Variants in CCSER1 observed in about 807,000 individuals in gnomAD.
The protein encoded by CCSER1 is coiled-coil serine rich protein 1, also known as serine-rich coiled-coil domain-containing protein 1.
CCSER1 carries 41 observed loss-of-function variants against 82.0 expected under a neutral mutation model. The ratio of observed to expected loss-of-function variants is 0.50; its 90% CI spans 0.39 to 0.65. The LOEUF is 0.65. Among genes scored for constraint, CCSER1 ranks in the 30% least tolerant of loss-of-function variants. CCSER1 has a pLI of 0.00. For missense variants in CCSER1, 1,119 were observed against 1,064.2 expected (o/e 1.05, Z -0.72); for synonymous variants, 414 against 383.9 (o/e 1.08, Z -0.92).
At chr4:90,144,298 A>G (rs1725403193) in intron 1 of CCSER1, among the ~76,000 whole-genome samples, 1 of 152,074 alleles carries the variant, frequency 6.6e-6, no homozygotes, top group African/African-American at 2.4e-5. Context: ...GCTGCTATTC[A>G]TTGGATTAAT....
intron 10 of CCSER1, among the ~76,000 whole-genome samples, chr4:91,382,493 G>C (rs1750981271): frequency 6.6e-6 from 1 of 152,208 alleles, no homozygotes; most frequent in Non-Finnish European, 1.5e-5. Flanking sequence ...CATGGTCATG[G>C]GACCCTCTGA....
chr4:91,589,726 C>T (rs55763050), intron 10 of CCSER1, among the ~76,000 whole-genome samples: 15,055 of 151,926 alleles, frequency 0.099, 771 homozygotes, highest in Middle Eastern at 0.16. Context: ...ATTTAGAAAT[C>T]ACATATTTCT....
At chr4:91,529,620 T>C (rs1275133109) in intron 10 of CCSER1, among the ~76,000 whole-genome samples, 1 of 152,134 alleles carries the variant, frequency 6.6e-6, no homozygotes, top group Non-Finnish European at 1.5e-5. Flanking sequence ...AGTTGCTTTT[T>C]CTTTTTCCTT....
chr4:91,560,130 T>C (rs922162387), intron 10 of CCSER1, among the ~76,000 whole-genome samples: 14 of 151,354 alleles, frequency 9.2e-5, no homozygotes, highest in Admixed American at 2.6e-4. Context: ...TGTTGCTTTA[T>C]TGAAAAAAAA....
intron 10 of CCSER1, among the ~76,000 whole-genome samples, chr4:91,443,394 C>G (rs1755328683): frequency 6.6e-6 from 1 of 151,128 alleles, no homozygotes; most frequent in South Asian, 2.1e-4. Context: ...TCTCAGTAAA[C>G]TATCGCAAGG....
rs1356693403 is a variant in CCSER1, at chr4:90,901,463, C to T, written c.2095-21907C>T. Among the ~76,000 whole-genome samples, 5 of 151,960 alleles carry T rather than the reference C, an allele frequency of 3.3e-5. No homozygotes were observed. In the South Asian group the frequency reaches 1.0e-3, roughly 32 times the overall value. On this transcript the variant is annotated intron_variant, in intron 8 of 10. Coordinates refer to ENST00000509176, the MANE Select transcript of CCSER1 (RefSeq NM_001145065.2). ...TTTCCATGTTTAGAATTCCTTTGAA[C>T]ATTTATTATAGGGCCATTCTAGAAA...
intron 5 of CCSER1, among the ~76,000 whole-genome samples, chr4:90,601,116 C>A (rs1171527532): frequency 6.6e-6 from 1 of 151,842 alleles, no homozygotes; most frequent in Non-Finnish European, 1.5e-5. Context: ...AGTTTTATTT[C>A]TTTCTTTCTG....
intron 6 of CCSER1, among the ~76,000 whole-genome samples, chr4:90,647,624 A>T: frequency 6.6e-6 from 1 of 152,312 alleles, no homozygotes; most frequent in East Asian, 1.9e-4. Flanking sequence ...AATAAAAACT[A>T]TTTTTGACAA....
At chr4:91,083,650 G>A (rs1319014096) in intron 9 of CCSER1, among the ~76,000 whole-genome samples, 2 of 151,966 alleles carry the variant, frequency 1.3e-5, no homozygotes, top group Admixed American at 1.3e-4. Flanking sequence ...TATAATATGA[G>A]AGAAATAGAT....
chr4:91,479,704 TTTTTTTC>T, intron 10 of CCSER1, among the ~76,000 whole-genome samples: 1 of 106,800 alleles, frequency 9.4e-6, no homozygotes, highest in African/African-American at 2.9e-5. Context: ...TTTTTTTTCT[TTTTTTTC>T]TTTCTTTTTT....
chr4:91,096,256 G>T (rs1010134796), intron 10 of CCSER1, among the ~76,000 whole-genome samples: 1 of 152,066 alleles, frequency 6.6e-6, no homozygotes, highest in African/African-American at 2.4e-5. Context: ...TTCCTTTCTT[G>T]TCTACTCTGT....
At chr4:90,882,481 G>T (rs1308557056) in intron 8 of CCSER1, among the ~76,000 whole-genome samples, 1 of 151,934 alleles carries the variant, frequency 6.6e-6, no homozygotes, top group African/African-American at 2.4e-5. Context: ...TCATTTATAT[G>T]CTGTGAATAT....
intron 1 of CCSER1, among the ~76,000 whole-genome samples, chr4:90,239,003 A>G (rs1022552653): frequency 1.3e-5 from 2 of 152,006 alleles, no homozygotes. Context: ...GGCATCTGCC[A>G]CCACACCCAG....
chr4:91,315,425 G>C (rs183592356), intron 10 of CCSER1, among the ~76,000 whole-genome samples: 3 of 151,902 alleles, frequency 2.0e-5, no homozygotes, highest in Non-Finnish European at 2.9e-5. Context: ...GCCAAACCCA[G>C]CGCCTGGCCA....
chr4:91,453,627 T>C (rs2149422281), intron 10 of CCSER1, among the ~76,000 whole-genome samples: 1 of 152,142 alleles, frequency 6.6e-6, no homozygotes, highest in East Asian at 1.9e-4. Flanking sequence ...TCCCGATAAA[T>C]TGCAGTCACT....
At chr4:91,084,733 A>G (rs950953346) in intron 9 of CCSER1, among the ~76,000 whole-genome samples, 2 of 152,118 alleles carry the variant, frequency 1.3e-5, no homozygotes. Context: ...CCACCTATAT[A>G]CAAAAATAAA....
intron 9 of CCSER1, among the ~76,000 whole-genome samples, chr4:91,034,032 G>A (rs1167920628): frequency 6.6e-6 from 1 of 152,124 alleles, no homozygotes; most frequent in Non-Finnish European, 1.5e-5. Context: ...AATAACTGTA[G>A]GTAGTTCAGT....
chr4:91,442,776 G>GA (rs1385130433), intron 10 of CCSER1, among the ~76,000 whole-genome samples: 1 of 147,886 alleles, frequency 6.8e-6, no homozygotes, highest in Non-Finnish European at 1.5e-5. Context: ...AAATTTACAA[G>GA]AAAAAAACAA....
In CCSER1 at chr4:90,135,348, A is replaced by G. The variant is rs562478961; in HGVS notation, c.-42+7517A>G. 6.6e-5 allele frequency among the ~76,000 whole-genome samples: 10 copies of G among 152,214 alleles called. 1 individual carries two copies. The South Asian group carries it at 2.1e-3, about 32-fold the overall frequency. On this transcript the variant is annotated intron_variant, in intron 1 of 10. Coordinates refer to ENST00000509176, the MANE Select transcript of CCSER1 (RefSeq NM_001145065.2). ...TTTGAGCAAGACCCCCCCTTTGAAA[A>G]AAAACAACAACTGGGATCCTGCCTC... is the stretch of plus-strand genomic sequence containing the variant.
Sources: allele counts gnomAD v4.1 joint callset (sites outside exome capture counted in the v4.1 genomes callset), GRCh38; gene constraint gnomAD v4.1.1; transcripts MANE v1.5; gene names NCBI Gene and HGNC (gene_info 2026-07-23, HGNC 2026-07-21).